The following CSMD3 variants were observed in gnomAD, a reference collection of about 807,000 sequenced individuals.
CSMD3 encodes CUB and Sushi multiple domains 3.
In CSMD3, 177 loss-of-function variants were observed where a neutral mutation model predicts 435.2. That is an observed-to-expected ratio of 0.41 (90% CI 0.36 to 0.46). CSMD3 has a LOEUF of 0.46. Among genes scored for constraint, CSMD3 ranks in the 20% least tolerant of loss-of-function variants. The pLI is 0.34. For synonymous variants in CSMD3, 1,656 were observed against 1,520.5 expected (o/e 1.09, Z -2.07); for missense variants, 4,265 against 4,504.6 (o/e 0.95, Z 1.52).
intron 7 of CSMD3, among the ~76,000 whole-genome samples, chr8:112,972,025 A>T (rs1396461883): frequency 6.6e-6 from 1 of 151,906 alleles, no homozygotes; most frequent in African/African-American, 2.4e-5. Flanking sequence ...AGTTATAGTG[A>T]GTTTATTTAA....
At chr8:112,913,956 G>A (rs1001485742) in intron 10 of CSMD3, among the ~76,000 whole-genome samples, 3 of 151,638 alleles carry the variant, frequency 2.0e-5, no homozygotes, top group Non-Finnish European at 2.9e-5. Flanking sequence ...ATACTTTTTC[G>A]TTGCTGTTTT....
At chr8:113,091,866 C>G (rs2090014476) in intron 5 of CSMD3, among the ~76,000 whole-genome samples, 1 of 151,760 alleles carries the variant, frequency 6.6e-6, no homozygotes, top group South Asian at 2.1e-4. Flanking sequence ...TAAGATGCAT[C>G]ATGGGTGTTT....
At chr8:113,107,003 C>T (rs1260781747) in intron 4 of CSMD3, among the ~76,000 whole-genome samples, 1 of 152,178 alleles carries the variant, frequency 6.6e-6, no homozygotes, top group East Asian at 1.9e-4. Flanking sequence ...AATGAAATCT[C>T]ACACCTTTTA....
intron 13 of CSMD3, among the ~76,000 whole-genome samples, chr8:112,748,777 C>T (rs1386264264): frequency 6.6e-6 from 1 of 152,050 alleles, no homozygotes; most frequent in Admixed American, 6.6e-5. Flanking sequence ...TCTTTACTAT[C>T]GTGAACAGTG....
At chr8:113,180,603 G>A (rs949334950) in intron 3 of CSMD3, among the ~76,000 whole-genome samples, 2 of 151,940 alleles carry the variant, frequency 1.3e-5, no homozygotes, top group Non-Finnish European at 2.9e-5. Flanking sequence ...TAAACTAATT[G>A]CATTACCTCC....
intron 3 of CSMD3, among the ~76,000 whole-genome samples, chr8:113,233,609 C>G (rs2132202731): frequency 1.3e-5 from 2 of 151,084 alleles, no homozygotes; most frequent in East Asian, 3.9e-4. Context: ...CTATAAACAT[C>G]AATGAAAAAA....
At chr8:112,415,399 C>T (rs894594965) in intron 32 of CSMD3, among the ~76,000 whole-genome samples, 1 of 152,228 alleles carries the variant, frequency 6.6e-6, no homozygotes, top group Non-Finnish European at 1.5e-5. Context: ...GTTTGGGAAC[C>T]TCTACCTAGA....
chr8:112,518,627 TGTGA>T (rs1485725110), intron 27 of CSMD3, among the ~76,000 whole-genome samples: 20,595 of 132,380 alleles, frequency 0.16, 1,585 homozygotes, highest in Middle Eastern at 0.34. Flanking sequence ...TGTGTGTGTG[TGTGA>T]GAGAGAGAGA....
At chr8:113,080,020 T>C (rs960858001) in intron 5 of CSMD3, among the ~76,000 whole-genome samples, 4 of 152,162 alleles carry the variant, frequency 2.6e-5, no homozygotes, top group African/African-American at 9.7e-5. Flanking sequence ...TGGCACCTTC[T>C]GCCTCAGTTT....
intron 15 of CSMD3, among the ~76,000 whole-genome samples, chr8:112,683,111 G>C (rs762027997): frequency 1.3e-5 from 2 of 151,682 alleles, no homozygotes; most frequent in Non-Finnish European, 2.9e-5. Context: ...TCTCAATCTA[G>C]TATGAAACTG....
chr8:113,138,649 G>A (rs1196717997), intron 4 of CSMD3, among the ~76,000 whole-genome samples: 1 of 151,132 alleles, frequency 6.6e-6, no homozygotes, highest in Non-Finnish European at 1.5e-5. Flanking sequence ...AATTCATAAG[G>A]GGTTGTGTTA....
chr8:112,490,796 A>T (rs893283826), intron 31 of CSMD3, among the ~76,000 whole-genome samples: 4 of 152,152 alleles, frequency 2.6e-5, no homozygotes, highest in Non-Finnish European at 5.9e-5. Context: ...TCTAAATTAC[A>T]TAATACTAAT....
intron 5 of CSMD3, among the ~76,000 whole-genome samples, chr8:113,022,128 CT>C (rs2086704887): frequency 6.6e-6 from 1 of 152,102 alleles, no homozygotes; most frequent in African/African-American, 2.4e-5. Flanking sequence ...TATCTCTGTC[CT>C]TATTTCACAT....
At chr8:113,035,604 G>A (rs555012662) in intron 5 of CSMD3, among the ~76,000 whole-genome samples, 11 of 151,926 alleles carry the variant, frequency 7.2e-5, no homozygotes, top group Non-Finnish European at 1.3e-4. Flanking sequence ...AATACATAAT[G>A]TTTTATGCAT....
At chr8:112,233,485 G>C (rs1420108681) in intron 68 of CSMD3, among the ~76,000 whole-genome samples, 1 of 152,104 alleles carries the variant, frequency 6.6e-6, no homozygotes, top group Non-Finnish European at 1.5e-5. Context: ...ATTTGACTCA[G>C]TTCCCAACTC....
intron 1 of CSMD3, among the ~76,000 whole-genome samples, chr8:113,400,339 A>G (rs2094504240): frequency 6.6e-6 from 1 of 151,590 alleles, no homozygotes; most frequent in African/African-American, 2.4e-5. Flanking sequence ...AACAGTCTCC[A>G]CCTCCCCCTG....
At chr8:112,404,814 G>A (rs1039893813) in intron 35 of CSMD3, among the ~76,000 whole-genome samples, 1 of 151,972 alleles carries the variant, frequency 6.6e-6, no homozygotes, top group Non-Finnish European at 1.5e-5. Flanking sequence ...CCTATGGAGA[G>A]TGGACTATTA....
At chr8:112,996,004 A>G (rs2085638461) in intron 6 of CSMD3, among the ~76,000 whole-genome samples, 2 of 151,508 alleles carry the variant, frequency 1.3e-5, no homozygotes, top group Admixed American at 6.6e-5. Flanking sequence ...TTTTTTATAT[A>G]TTTACTGTGT....
intron 4 of CSMD3, among the ~76,000 whole-genome samples, chr8:113,110,079 C>T (rs2090593233): frequency 6.6e-6 from 1 of 152,138 alleles, no homozygotes; most frequent in African/African-American, 2.4e-5. Context: ...ATGGGAATGG[C>T]AGCCCCATGA....
Sources: gnomAD v4.1 joint callset for allele counts (sites outside exome capture counted in the v4.1 genomes callset) on GRCh38, gnomAD v4.1.1 for gene constraint, MANE v1.5 for transcripts, NCBI Gene and HGNC (gene_info 2026-07-23, HGNC 2026-07-21) for gene names.